GRID2: variants seen among roughly 807,000 people sequenced by gnomAD.
GRID2 encodes the protein glutamate receptor ionotropic, delta-2.
GRID2 carries 33 observed loss-of-function variants against 114.8 expected under a neutral mutation model. The observed-to-expected ratio is 0.29, with a 90% confidence interval of 0.22 to 0.38. GRID2 has a LOEUF of 0.38. Ranked by LOEUF, GRID2 falls within the 10% of genes least tolerant of loss-of-function variation. The pLI, the probability that GRID2 is intolerant of heterozygous loss-of-function variation, is 1.00. For synonymous variants in GRID2, 505 were observed against 449.9 expected (o/e 1.12, Z -1.55); for missense variants, 1,184 against 1,257.7 (o/e 0.94, Z 0.89).
intron 2 of GRID2, among the ~76,000 whole-genome samples, chr4:92,740,186 C>A (rs932776209): frequency 2.0e-5 from 3 of 152,198 alleles, no homozygotes; most frequent in African/African-American, 7.2e-5. Flanking sequence ...AAGGCCAGCT[C>A]AAGTAAAAAG....
chr4:92,686,236 A>G (rs142928701), intron 2 of GRID2, among the ~76,000 whole-genome samples: 156 of 152,198 alleles, frequency 1.0e-3, no homozygotes, highest in Non-Finnish European at 1.9e-3. Flanking sequence ...AATTGGCCCC[A>G]TAGAGAAAGC....
Position 93,527,861 on chromosome 4 carries a change from C to T in GRID2, c.2193+12450C>T, listed in dbSNP as rs1344262890. 2.0e-5 allele frequency among the ~76,000 whole-genome samples: 3 copies of T among 152,070 alleles called. No individual in the cohort carries two copies. The East Asian group carries it at 5.8e-4, about 29-fold the overall frequency. The stretch of plus-strand genomic sequence containing the variant: ...AAAACTCTGTACCCACTAAAAATTC[C>T]CTCCTCCCATTCCCTCTTCCCCCCA... On this transcript the variant is annotated intron_variant, in intron 13 of 15. Transcript: ENST00000282020.
chr4:92,637,145 G>A (rs544017314), intron 2 of GRID2, among the ~76,000 whole-genome samples: 28 of 151,728 alleles, frequency 1.8e-4, no homozygotes, highest in Admixed American at 7.9e-4. Flanking sequence ...TAATGTTTTT[G>A]AATAATTGCC....
At chr4:93,414,706 T>TATATATATATATATATATATATATATATA (rs1560595949) in intron 9 of GRID2, among the ~76,000 whole-genome samples, 13 of 149,700 alleles carry the variant, frequency 8.7e-5, no homozygotes, top group Non-Finnish European at 1.3e-4. Flanking sequence ...TATATATATA[T>TATATATATATATATATATATATATATATA]TTCCTTTTTT....
At chr4:93,684,885 T>G (rs1215410235) in intron 14 of GRID2, among the ~76,000 whole-genome samples, 1 of 152,028 alleles carries the variant, frequency 6.6e-6, no homozygotes, top group East Asian at 1.9e-4. Flanking sequence ...GCAAAACTCT[T>G]TATCATAACA....
chr4:92,570,005 T>G (rs1297526999), intron 1 of GRID2, among the ~76,000 whole-genome samples: 2 of 152,164 alleles, frequency 1.3e-5, no homozygotes, highest in African/African-American at 4.8e-5. Flanking sequence ...TGCATAACTT[T>G]TGATGTTTTT....
intron 2 of GRID2, among the ~76,000 whole-genome samples, chr4:93,052,080 T>A (rs959895752): frequency 6.6e-6 from 1 of 152,184 alleles, no homozygotes. Flanking sequence ...ACTTATTTTA[T>A]CTGAGTTTTT....
chr4:93,475,026 C>G (rs983721551), intron 11 of GRID2, among the ~76,000 whole-genome samples: 5 of 152,052 alleles, frequency 3.3e-5, no homozygotes, highest in African/African-American at 1.2e-4. Flanking sequence ...ACCCTGATCC[C>G]CTTCCTCCCT....
At chr4:92,810,379 T>C (rs1010512105) in intron 2 of GRID2, among the ~76,000 whole-genome samples, 2 of 152,044 alleles carry the variant, frequency 1.3e-5, no homozygotes, top group Non-Finnish European at 1.5e-5. Flanking sequence ...TGGCATAGTG[T>C]GTGCTACTCA....
chr4:93,545,202 GA>G (rs1485327454), intron 13 of GRID2, among the ~76,000 whole-genome samples: 1 of 152,136 alleles, frequency 6.6e-6, no homozygotes, highest in Non-Finnish European at 1.5e-5. Context: ...CAAAGAACTA[GA>G]AAAAATGAAA....
chr4:92,928,878 G>C (rs1023920821), intron 2 of GRID2, among the ~76,000 whole-genome samples: 2 of 151,302 alleles, frequency 1.3e-5, no homozygotes, highest in African/African-American at 4.8e-5. Context: ...TATTTTTTGA[G>C]AACCATCTTT....
chr4:92,638,525 A>G (rs868350775), intron 2 of GRID2, among the ~76,000 whole-genome samples: 6 of 148,574 alleles, frequency 4.0e-5, no homozygotes, highest in African/African-American at 1.5e-4. Context: ...CAGTAGGTAA[A>G]TGTTAGCTAT....
At chr4:92,602,519 A>G (rs936224950) in intron 2 of GRID2, among the ~76,000 whole-genome samples, 3 of 152,114 alleles carry the variant, frequency 2.0e-5, no homozygotes, top group Non-Finnish European at 4.4e-5. Context: ...CATGTTAAAA[A>G]CTCTCAATAA....
chr4:92,528,366 C>T (rs959347023), intron 1 of GRID2, among the ~76,000 whole-genome samples: 1 of 150,668 alleles, frequency 6.6e-6, no homozygotes, highest in Non-Finnish European at 1.5e-5. Flanking sequence ...TTAGTTGTAT[C>T]ATCTTAAGAA....
rs200935088 is a variant in GRID2, at chr4:92,817,570, G to GT, written c.244+227289dup. On this transcript the variant is annotated intron_variant, in intron 2 of 15. Coordinates refer to ENST00000282020, the MANE Select transcript of GRID2 (RefSeq NM_001510.4). The stretch of plus-strand genomic sequence containing the variant: ...GAATTGCTGACAATTCCTTGAGATT[G>GT]TTTTTATGCTTCCTTATTTTTTCAA... 6.7e-3 allele frequency among the ~76,000 whole-genome samples: 1,018 copies of GT among 152,092 alleles called. 18 individuals are homozygous for GT. Among genetic ancestry groups the GT allele is most frequent in the African/African-American group, 0.023 (954 of 41,496 alleles).
chr4:93,167,819 A>G (rs1285995040), intron 4 of GRID2, among the ~76,000 whole-genome samples: 1 of 152,124 alleles, frequency 6.6e-6, no homozygotes, highest in Non-Finnish European at 1.5e-5. Context: ...AAAATTTCTA[A>G]TATTTTAGAG....
intron 2 of GRID2, among the ~76,000 whole-genome samples, chr4:92,646,790 C>T (rs990006274): frequency 2.0e-5 from 3 of 152,152 alleles, no homozygotes; most frequent in African/African-American, 2.4e-5. Flanking sequence ...GAAATTATTT[C>T]GTATTCTATT....
intron 2 of GRID2, among the ~76,000 whole-genome samples, chr4:92,741,010 C>T (rs115282176): frequency 6.6e-6 from 1 of 152,220 alleles, no homozygotes; most frequent in African/African-American, 2.4e-5. Flanking sequence ...TCCCAAAATA[C>T]TGGGATTATA....
intron 13 of GRID2, among the ~76,000 whole-genome samples, chr4:93,590,398 T>C (rs895824541): frequency 4.3e-4 from 65 of 149,556 alleles, no homozygotes; most frequent in African/African-American, 1.5e-3. Flanking sequence ...GGCTCTGTTC[T>C]GTTCCATTGA....
Sources: gnomAD v4.1 joint callset for allele counts (sites outside exome capture counted in the v4.1 genomes callset) on GRCh38, gnomAD v4.1.1 for gene constraint, MANE v1.5 for transcripts, NCBI Gene and HGNC (gene_info 2026-07-23, HGNC 2026-07-21) for gene names.